CNTN4: variants seen among roughly 807,000 people sequenced by gnomAD.
The protein encoded by CNTN4 is contactin-4.
CNTN4 carries 77 observed loss-of-function variants against 122.5 expected under a neutral mutation model. The observed-to-expected ratio is 0.63, with a 90% CI of 0.52 to 0.76. The LOEUF is 0.76. CNTN4 is among the 30% of genes least tolerant of loss of function. CNTN4 has a pLI of 0.00. For missense variants in CNTN4, 1,256 were observed against 1,259.1 expected, an observed-to-expected ratio of 1.00 and a Z score of 0.04; for synonymous variants, 512 against 447.0, an observed-to-expected ratio of 1.15 and a Z score of -1.83.
chr3:2,346,766 T>G (rs1162289059), intron 3 of CNTN4, among the ~76,000 whole-genome samples: 1 of 152,224 alleles, frequency 6.6e-6, no homozygotes, highest in African/African-American at 2.4e-5. Context: ...AAGATATTTC[T>G]TACATTTGGA....
At chr3:2,839,677 G>C (rs78409426) in intron 7 of CNTN4, among the ~76,000 whole-genome samples, 2,374 of 152,266 alleles carry the variant, frequency 0.016, 23 homozygotes, top group Middle Eastern at 0.037. Context: ...GAAGTAAAGA[G>C]TACACATCTC....
At chr3:2,576,362 G>A (rs931814332) in intron 4 of CNTN4, among the ~76,000 whole-genome samples, 1 of 152,118 alleles carries the variant, frequency 6.6e-6, no homozygotes, top group African/African-American at 2.4e-5. Flanking sequence ...GACCCCGGGT[G>A]CTTTGTAGTC....
intron 4 of CNTN4, among the ~76,000 whole-genome samples, chr3:2,578,833 C>T (rs972100640): frequency 6.6e-6 from 1 of 151,812 alleles, no homozygotes; most frequent in African/African-American, 2.4e-5. Context: ...GTCAAGAAGA[C>T]AGCTAATAAC....
chr3:2,321,172 A>ATCC (rs1359592637), intron 2 of CNTN4, among the ~76,000 whole-genome samples: 1 of 152,112 alleles, frequency 6.6e-6, no homozygotes, highest in Non-Finnish European at 1.5e-5. Flanking sequence ...ATTAATTGTT[A>ATCC]TCCCCCTTAT....
intron 2 of CNTN4, among the ~76,000 whole-genome samples, chr3:2,101,432 G>A (rs565028430): frequency 1.3e-5 from 2 of 152,236 alleles, no homozygotes; most frequent in South Asian, 4.1e-4. Flanking sequence ...GACATAATAT[G>A]CATTAGCTTC....
At chr3:2,278,435 A>G (rs976781582) in intron 2 of CNTN4, among the ~76,000 whole-genome samples, 1 of 152,184 alleles carries the variant, frequency 6.6e-6, no homozygotes, top group East Asian at 1.9e-4. Flanking sequence ...GCTACTTACT[A>G]GGATCTTACT....
chr3:2,176,441 G>A (rs1266429958), intron 2 of CNTN4, among the ~76,000 whole-genome samples: 2 of 152,000 alleles, frequency 1.3e-5, no homozygotes, highest in African/African-American at 4.8e-5. Flanking sequence ...ATATTATTAT[G>A]TATATTAGGA....
intron 13 of CNTN4, among the ~76,000 whole-genome samples, chr3:2,958,267 T>C (rs2094820297): frequency 6.6e-6 from 1 of 152,218 alleles, no homozygotes; most frequent in East Asian, 1.9e-4. Flanking sequence ...CAGTTTTATT[T>C]CATATGGTAC....
In CNTN4 at chr3:2,854,807, A is replaced by C. The variant is rs74585176; in HGVS notation, c.455-11945A>C. On this transcript the variant is annotated intron_variant, in intron 7 of 24. Coordinates refer to ENST00000418658, the MANE Select transcript of CNTN4 (RefSeq NM_175607.3). The stretch of plus-strand genomic sequence containing the variant: ...AGCCTTAAAGAAAGTAAATAATTAG[A>C]GTTAAACTGACATTTTCCACCATTC... 3.9e-3 allele frequency among the ~76,000 whole-genome samples: 590 copies of C among 152,280 alleles called. 4 individuals are homozygous for C. Among genetic ancestry groups the C allele is most frequent in the African/African-American group, 0.014 (571 of 41,554 alleles).
intron 3 of CNTN4, among the ~76,000 whole-genome samples, chr3:2,519,959 A>G (rs2077152043): frequency 6.6e-6 from 1 of 152,108 alleles, no homozygotes; most frequent in Non-Finnish European, 1.5e-5. Flanking sequence ...GAGGAACCTA[A>G]GAGAATGAGG....
At chr3:2,282,836 T>G (rs2041766097) in intron 2 of CNTN4, among the ~76,000 whole-genome samples, 1 of 152,174 alleles carries the variant, frequency 6.6e-6, no homozygotes, top group South Asian at 2.1e-4. Flanking sequence ...GAAGTTCTAA[T>G]ACGTGTTACA....
rs182471988 is a variant in CNTN4, at chr3:2,988,242, G to C, written c.1359-103G>C. 2.8e-6 allele frequency: 3 copies of C among 1,077,774 alleles called. No individual in the cohort carries two copies. The South Asian group carries it at 3.9e-5, about 14-fold the overall frequency. The allele number at this position is 1,077,774 out of a possible 1,614,324, so 66.8% of individuals were successfully genotyped here. On this transcript the variant is annotated intron_variant, in intron 13 of 24. Coordinates refer to ENST00000418658, the MANE Select transcript of CNTN4 (RefSeq NM_175607.3). ...TGTCATCTTTACTACAAATAATGTAGCAATGATTTATGGTTTGAACAATGA... is the reference window on the plus strand; with the variant it reads ...TGTCATCTTTACTACAAATAATGTACCAATGATTTATGGTTTGAACAATGA...
In CNTN4 at chr3:2,576,942, A is replaced by G. The variant is rs377445982; in HGVS notation, c.55+5384A>G. 1.9e-3 allele frequency among the ~76,000 whole-genome samples: 295 copies of G among 152,318 alleles called. 14 individuals carry two copies. In the South Asian group the frequency reaches 0.06, roughly 31 times the overall value. On this transcript the variant is annotated intron_variant, in intron 4 of 24. Transcript: ENST00000418658. Reference sequence around the variant, plus strand: ...CAAGTCTTTATCTGAGTCACAAGCAAGGAGAACTATGGGAAGTTAACCCCG... The same window carrying G: ...CAAGTCTTTATCTGAGTCACAAGCAGGGAGAACTATGGGAAGTTAACCCCG...
chr3:2,174,431 C>G (rs1040156238), intron 2 of CNTN4, among the ~76,000 whole-genome samples: 3 of 152,138 alleles, frequency 2.0e-5, no homozygotes, highest in South Asian at 4.1e-4. Flanking sequence ...AAGGAGCTGG[C>G]AAATTGGATG....
At chr3:2,542,118 A>G (rs1277138732) in intron 3 of CNTN4, among the ~76,000 whole-genome samples, 1 of 152,064 alleles carries the variant, frequency 6.6e-6, no homozygotes, top group Non-Finnish European at 1.5e-5. Context: ...TAGAGGCATC[A>G]TTTTTATTTT....
chr3:2,305,019 T>G (rs1293772201), intron 2 of CNTN4, among the ~76,000 whole-genome samples: 1 of 151,944 alleles, frequency 6.6e-6, no homozygotes, highest in Non-Finnish European at 1.5e-5. Context: ...AAAAAGTGAT[T>G]TTTCACTTCC....
intron 3 of CNTN4, among the ~76,000 whole-genome samples, chr3:2,352,845 G>A (rs1370934220): frequency 1.3e-5 from 2 of 152,194 alleles, no homozygotes. Context: ...TTTTTGATGG[G>A]GACTTGGAGA....
At chr3:2,569,214 C>A (rs979512891) in intron 3 of CNTN4, among the ~76,000 whole-genome samples, 8 of 152,150 alleles carry the variant, frequency 5.3e-5, no homozygotes, top group Non-Finnish European at 1.2e-4. Context: ...TTTAAGGGCA[C>A]AAAAGAAAGG....
intron 2 of CNTN4, among the ~76,000 whole-genome samples, chr3:2,288,974 G>A (rs935997795): frequency 1.3e-5 from 2 of 152,052 alleles, no homozygotes; most frequent in East Asian, 1.9e-4. Context: ...GAAATTCAAG[G>A]TACACAGAAC....
Sources: gnomAD v4.1 joint callset for allele counts (sites outside exome capture counted in the v4.1 genomes callset) on GRCh38, gnomAD v4.1.1 for gene constraint, MANE v1.5 for transcripts, NCBI Gene and HGNC (gene_info 2026-07-23, HGNC 2026-07-21) for gene names.